The following MTREX variants were observed in gnomAD, a reference collection of about 807,000 sequenced individuals.
MTREX encodes the protein Mtr4 exosome RNA helicase.
MTREX carries 76 observed loss-of-function variants against 135.4 expected under a neutral mutation model. That is an observed-to-expected ratio of 0.56 (90% CI 0.47 to 0.68). The LOEUF (loss-of-function observed/expected upper bound fraction) is 0.68, where lower values mean the gene tolerates loss of function less well. Ranked by LOEUF, MTREX falls within the 30% of genes least tolerant of loss-of-function variation. The pLI is 0.00. For synonymous variants in MTREX, 404 were observed against 401.6 expected (o/e 1.01, Z -0.07); for missense variants, 920 against 1,262.1 (o/e 0.73, Z 4.11).
intron 22 of MTREX, among the ~76,000 whole-genome samples, chr5:55,409,917 A>G (rs993171189): frequency 2.6e-5 from 4 of 152,204 alleles, no homozygotes; most frequent in Admixed American, 2.0e-4. Context: ...AATATGAATT[A>G]AAATGTGAGT....
chr5:55,323,085 G>A (rs1210566028), intron 2 of MTREX, among the ~76,000 whole-genome samples: 1 of 150,012 alleles, frequency 6.7e-6, no homozygotes. Context: ...CAATTTCTGT[G>A]ATTTTTTTTT....
At chr5:55,365,261 C>A (rs542241476) in intron 15 of MTREX, among the ~76,000 whole-genome samples, 9 of 152,178 alleles carry the variant, frequency 5.9e-5, no homozygotes, top group Non-Finnish European at 1.2e-4. Flanking sequence ...TCTTTAATCT[C>A]TCTTTTCTCC....
At chr5:55,393,191 A>C (rs1207541475) in intron 19 of MTREX, among the ~76,000 whole-genome samples, 6 of 152,152 alleles carry the variant, frequency 3.9e-5, no homozygotes, top group Admixed American at 1.3e-4. Flanking sequence ...TGTTATTCTT[A>C]CCAAAAGTCA....
At chr5:55,382,104 A>T (rs951493423) in intron 18 of MTREX, among the ~76,000 whole-genome samples, 1 of 152,068 alleles carries the variant, frequency 6.6e-6, no homozygotes, top group African/African-American at 2.4e-5. Context: ...TTTTAATCCA[A>T]TCTGAAAATC....
chr5:55,319,424 T>C (rs776045558), intron 1 of MTREX, among the ~76,000 whole-genome samples: 27 of 152,204 alleles, frequency 1.8e-4, no homozygotes, highest in Non-Finnish European at 3.7e-4. Flanking sequence ...AATTCCTCTA[T>C]AGGTTAGAGA....
intron 25 of MTREX, among the ~76,000 whole-genome samples, chr5:55,422,183 G>C (rs2111634971): frequency 6.6e-6 from 1 of 152,238 alleles, no homozygotes; most frequent in South Asian, 2.1e-4. Context: ...CACAATCTCT[G>C]CTCCTCTTTG....
At chr5:55,341,853 T>G in intron 7 of MTREX, 82 bp downstream of exon 7, 1 of 683,624 alleles carries the variant, frequency 1.5e-6, no homozygotes, top group South Asian at 2.2e-5. Context: ...TGTTAAACTT[T>G]GCTTCTAGTT....
intron 22 of MTREX, among the ~76,000 whole-genome samples, chr5:55,409,134 G>T (rs1281497793): frequency 5.3e-5 from 8 of 151,846 alleles, no homozygotes; most frequent in African/African-American, 1.9e-4. Context: ...GTATTGCTTT[G>T]TAGAGACAGG....
At chr5:55,414,627 G>A (rs1409430720) in intron 24 of MTREX, among the ~76,000 whole-genome samples, 2 of 151,958 alleles carry the variant, frequency 1.3e-5, no homozygotes, top group African/African-American at 4.8e-5. Context: ...TTTTCATTCT[G>A]GTTTATAACA....
intron 1 of MTREX, among the ~76,000 whole-genome samples, chr5:55,317,506 A>T (rs1374399861): frequency 6.6e-6 from 1 of 152,190 alleles, no homozygotes; most frequent in Non-Finnish European, 1.5e-5. Flanking sequence ...CTTTGACAAA[A>T]CTAACAAAAC....
intron 1 of MTREX, among the ~76,000 whole-genome samples, chr5:55,308,743 G>C (rs1292872757): frequency 6.6e-6 from 1 of 152,062 alleles, no homozygotes; most frequent in Non-Finnish European, 1.5e-5. Context: ...AAAATTACTG[G>C]ACCCTACCCA....
chr5:55,425,481 CTG>C lies in MTREX; in HGVS notation c.*710_*711del, dbSNP rs1409118557. 5.6e-6 allele frequency: 4 copies of C among 709,690 alleles called. No individual in the cohort carries two copies. In the South Asian group the frequency reaches 1.2e-4, roughly 22 times the overall value. The allele number at this position is 709,690 out of a possible 1,614,324, so 44.0% of individuals were successfully genotyped here. ...AAGCATATAAAAAATTAGAGACTAA[CTG>C]GGATTTTTTAAAGATTATTCCAAAT... is the stretch of plus-strand genomic sequence containing the variant. On this transcript the variant is annotated 3_prime_UTR_variant, in exon 27 of 27. Transcript: ENST00000230640.
intron 15 of MTREX, among the ~76,000 whole-genome samples, chr5:55,365,530 G>A (rs752325972): frequency 6.6e-6 from 1 of 152,128 alleles, no homozygotes; most frequent in Non-Finnish European, 1.5e-5. Flanking sequence ...AAGAACCCAG[G>A]AGTACTCTAA....
At chr5:55,348,827 T>C (rs1672118858) in intron 11 of MTREX, among the ~76,000 whole-genome samples, 1 of 152,266 alleles carries the variant, frequency 6.6e-6, no homozygotes, top group African/African-American at 2.4e-5. Context: ...ACATATTATT[T>C]GATAGACACT....
intron 15 of MTREX, among the ~76,000 whole-genome samples, chr5:55,365,160 C>G (rs1750081568): frequency 6.6e-6 from 1 of 151,712 alleles, no homozygotes; most frequent in African/African-American, 2.4e-5. Flanking sequence ...ATATTGAAAC[C>G]CGAGATTTCT....
At chr5:55,408,817 A>G (rs1195344884) in intron 22 of MTREX, among the ~76,000 whole-genome samples, 1 of 152,178 alleles carries the variant, frequency 6.6e-6, no homozygotes, top group Non-Finnish European at 1.5e-5. Context: ...AGGGACAAAA[A>G]GCACTGTAGT....
rs76718237 is a variant in MTREX at position 55,335,346 on chromosome 5, A to G, written c.516-4664A>G. On this transcript the variant is annotated intron_variant, in intron 5 of 26. Transcript: ENST00000230640. ...TAATATTTTATAGATTGTTCATGCA[A>G]TTGGTATACCTAAGAATTACCTAAT... 9.4e-4 allele frequency among the ~76,000 whole-genome samples: 143 copies of G among 152,160 alleles called. 1 individual carries two copies. In the East Asian group the frequency reaches 0.026, roughly 27 times the overall value.
chr5:55,419,561 A>G lies in MTREX; in HGVS notation c.2972-3317A>G, dbSNP rs567280285. On this transcript the variant is annotated intron_variant, in intron 25 of 26. Coordinates refer to ENST00000230640, the MANE Select transcript of MTREX (RefSeq NM_015360.5). ...ATTTCCATTAAACTAAATTTGAATG[A>G]CAGTTTAAACAAACTATTTGTATGG... 1.1e-4 allele frequency among the ~76,000 whole-genome samples: 16 copies of G among 152,366 alleles called. No individual in the cohort carries two copies. The South Asian group carries it at 2.7e-3, about 26-fold the overall frequency.
chr5:55,365,762 G>C (rs900314212), intron 15 of MTREX, among the ~76,000 whole-genome samples: 8 of 152,162 alleles, frequency 5.3e-5, no homozygotes, highest in African/African-American at 1.7e-4. Context: ...TTGGGAGACT[G>C]AGGTGGGCGG....
Sources: gnomAD v4.1 joint callset for allele counts (sites outside exome capture counted in the v4.1 genomes callset) on GRCh38, gnomAD v4.1.1 for gene constraint, MANE v1.5 for transcripts, NCBI Gene and HGNC (gene_info 2026-07-23, HGNC 2026-07-21) for gene names.